IRS1: variants seen among roughly 807,000 people sequenced by gnomAD.
The protein encoded by IRS1 is insulin receptor substrate 1.
A neutral mutation model predicts 65.6 loss-of-function variants in IRS1; 34 were observed. The ratio of observed to expected loss-of-function variants is 0.52; its 90% CI spans 0.39 to 0.69. IRS1 has a LOEUF of 0.69. Ranked by LOEUF, IRS1 falls within the 30% of genes least tolerant of loss-of-function variation. The pLI is 0.00. For missense variants in IRS1, 1,641 were observed against 1,720.2 expected, an observed-to-expected ratio of 0.95 and a Z score of 0.81; for synonymous variants, 699 against 683.5, an observed-to-expected ratio of 1.02 and a Z score of -0.35.
At position 226,797,075 on chromosome 2, in the gene IRS1, A is replaced by T. The variant is rs1349931074; in HGVS notation, c.1664T>A (p.Met555Lys). 1 of 1,613,022 alleles carries T rather than the reference A, an allele frequency of 6.2e-7. No homozygotes were observed. The highest frequency in any genetic ancestry group is 1.1e-5 in the South Asian group (1 of 91,060). ...GCCACCTCCTGGTGGGTAGGCAGGC[A>T]TCATCTCTGTGTACTCCTCAATGGA... ...VASIEEYTEM[M>K]PAYPPGGGSG... Residue 555 changes from methionine to lysine, a missense_variant, in exon 1 of 2, where the codon ATG becomes AAG. Physicochemically the swap from Met to Lys is moderately conservative, Grantham distance 95 (BLOSUM62 -1). Transcript: ENST00000305123. This position sits in a 1 kb window ranked among gnomAD's most constrained non-coding sequence, Gnocchi z 8.1.
chr2:226,752,772 T>C (rs534738380), intron 1 of IRS1, among the ~76,000 whole-genome samples: 1 of 152,290 alleles, frequency 6.6e-6, no homozygotes, highest in South Asian at 2.1e-4. Flanking sequence ...GTATCCAGTA[T>C]ATAATCCTGC....
rs759315020 is a variant in IRS1, at chr2:226,797,017, G to T, written c.1722C>A (p.Ser574=). The T allele has an allele frequency of 1.2e-6, 2 of 1,604,290 alleles. No homozygotes were observed. The highest frequency in any genetic ancestry group is 1.7e-4 in the Middle Eastern group (1 of 6,046). ...SGGRLPGHRH[S]AFVPTRSYPE... is the part of the protein sequence containing the mutation. ...GGTAGGAGCGGGTGGGCACGAAGGC[G>T]GAGTGCCTGTGTCCCGGCAGTCGGC... Residue 574 remains serine, a synonymous_variant, in exon 1 of 2, where the codon TCC becomes TCA. Transcript: ENST00000305123. This position sits in a 1 kb window ranked among gnomAD's most constrained non-coding sequence, Gnocchi z 8.1.
chr2:226,798,449 G>C lies in IRS1; in HGVS notation c.290C>G (p.Ala97Gly). The C allele has an allele frequency of 6.2e-7, 1 of 1,614,094 alleles. No individual in the cohort carries two copies. Among genetic ancestry groups the C allele is most frequent in the Non-Finnish European group, 8.5e-7 (1 of 1,180,024 alleles). Residue 97 changes from alanine to glycine, a missense_variant, in exon 1 of 2, where the codon GCG (alanine) becomes GGG (glycine). By Grantham distance (60) the Ala-to-Gly change is moderately conservative (BLOSUM62 0). This residue lies in a region of IRS1 where 240 missense variants were observed against 229.6 expected (regional missense o/e 1.05). Transcript: ENST00000305123. This position sits in a 1 kb window ranked among gnomAD's most constrained non-coding sequence, Gnocchi z 9.4. The stretch of plus-strand genomic sequence containing the variant: ...GCTGTCTTGCTCGGCCTCGCTGTCC[G>C]CCGCGATGGCAAAGTGCTCGTCCCG... The part of the protein sequence containing the change: ...YTRDEHFAIA[A>G]DSEAEQDSWY...
At chr2:226,751,673 A>G (rs774810253) in intron 1 of IRS1, among the ~76,000 whole-genome samples, 2 of 152,036 alleles carry the variant, frequency 1.3e-5, no homozygotes, top group Non-Finnish European at 2.9e-5. Flanking sequence ...GGGAAGAGGG[A>G]TCGAAGCTGT....
chr2:226,796,766 T>C lies in IRS1; in HGVS notation c.1973A>G (p.Asp658Gly). 1 of 1,599,624 alleles carries C rather than the reference T, an allele frequency of 6.3e-7. No homozygotes were observed. Among genetic ancestry groups the C allele is most frequent in the Non-Finnish European group, 8.5e-7 (1 of 1,171,578 alleles). ...GGACATCATCATGTAGCCATTGGGGTCCACTCTCTGGGGATGGCGTCTGAT... is the reference window on the plus strand; with the variant it reads ...GGACATCATCATGTAGCCATTGGGGCCCACTCTCTGGGGATGGCGTCTGAT... ...NPIRRHPQRV[D>G]PNGYMMMSPS... The change falls in exon 1 of 2, where the codon GAC becomes GGC. Residue 658 changes from aspartate to glycine, a missense_variant. By Grantham distance (94) the Asp-to-Gly change is moderately conservative. This residue lies in a region of IRS1 where 1,324 missense variants were observed against 1,361.0 expected (regional missense o/e 0.97). Coordinates refer to ENST00000305123, the MANE Select transcript of IRS1 (RefSeq NM_005544.3).
intron 1 of IRS1, among the ~76,000 whole-genome samples, chr2:226,751,037 G>T (rs1364122787): frequency 6.6e-6 from 1 of 152,120 alleles, no homozygotes; most frequent in Non-Finnish European, 1.5e-5. Context: ...GGGCCAATAA[G>T]GAGGCTACAC....
intron 1 of IRS1, among the ~76,000 whole-genome samples, chr2:226,787,960 A>C (rs943526084): frequency 1.3e-5 from 2 of 152,158 alleles, no homozygotes; most frequent in Non-Finnish European, 2.9e-5. Flanking sequence ...ATCCTTCCTA[A>C]AAGTAAAAAT....
intron 1 of IRS1, among the ~76,000 whole-genome samples, chr2:226,754,348 C>T (rs967401837): frequency 6.6e-6 from 1 of 152,130 alleles, no homozygotes; most frequent in African/African-American, 2.4e-5. Flanking sequence ...ACTAACCCAA[C>T]CCACAAACAC....
intron 1 of IRS1, among the ~76,000 whole-genome samples, chr2:226,791,124 A>G (rs890541812): frequency 5.9e-5 from 9 of 152,154 alleles, no homozygotes; most frequent in Non-Finnish European, 1.0e-4. Context: ...GCTTTGCAGT[A>G]AAGTGTATGG....
Position 226,795,605 on chromosome 2 carries a change from G to A in IRS1, c.3134C>T (p.Thr1045Ile). 1 of 1,612,618 alleles carries A rather than the reference G, an allele frequency of 6.2e-7. No homozygotes were observed. The highest frequency in any genetic ancestry group is 8.5e-7 in the Non-Finnish European group (1 of 1,179,752). The change falls in exon 1 of 2, where the codon ACT becomes ATT. Residue 1045 changes from threonine to isoleucine, a missense_variant. By Grantham distance (89) the Thr-to-Ile change is moderately conservative (BLOSUM62 -1). Around this residue, in one of 3 missense-constraint regions of IRS1, gnomAD observed 1,324 missense variants for 1,361.0 expected, o/e 0.97. Coordinates refer to ENST00000305123, the MANE Select transcript of IRS1 (RefSeq NM_005544.3). ...SSSSAASASP[T>I]GPQGAAELAA... Reference sequence around the variant, plus strand: ...CAGCTCTGCTGCCCCTTGAGGCCCAGTCGGGGAAGCAGAGGCTGCTGAGGA... The same window carrying A: ...CAGCTCTGCTGCCCCTTGAGGCCCAATCGGGGAAGCAGAGGCTGCTGAGGA...
intron 1 of IRS1, among the ~76,000 whole-genome samples, chr2:226,739,979 C>T (rs1458611300): frequency 1.3e-5 from 2 of 152,216 alleles, no homozygotes; most frequent in African/African-American, 4.8e-5. Context: ...TATATATACA[C>T]CACTTCAATT....
chr2:226,759,770 G>A (rs1938877951), intron 1 of IRS1, among the ~76,000 whole-genome samples: 1 of 152,114 alleles, frequency 6.6e-6, no homozygotes, highest in Non-Finnish European at 1.5e-5. Context: ...AAGAGAATCA[G>A]AAGTCACAAT....
chr2:226,799,286 C>A lies in IRS1; in HGVS notation c.-548G>T. 8.4e-7 allele frequency: 1 copy of A among 1,188,616 alleles called. No homozygotes were observed. Among genetic ancestry groups the A allele is most frequent in the Non-Finnish European group, 1.1e-6 (1 of 933,274 alleles). The allele number at this position is 1,188,616 out of a possible 1,614,324, so 73.6% of individuals were successfully genotyped here. On this transcript the variant is annotated 5_prime_UTR_variant, in exon 1 of 2. Transcript: ENST00000305123. The surrounding 1 kb of genome is among the most constrained non-coding windows in gnomAD (Gnocchi z 6.1). ...CTCCCTCCTCCTTCGCCTCCTCCCA[C>A]CCCCCAACCGTCCCAGCCGCCACCA...
rs749967600 is a variant in IRS1, at chr2:226,797,367, C to T, written c.1372G>A (p.Gly458Ser). 6.2e-6 allele frequency: 10 copies of T among 1,612,970 alleles called. No individual in the cohort carries two copies. In the South Asian group the frequency reaches 7.7e-5, roughly 12 times the overall value. Reference sequence around the variant, plus strand: ...ATATAGTTGCTTAGCTCCTCCTCACCGCGGGCTGGTGGGGTGTGGCCCAGG... The same window carrying T: ...ATATAGTTGCTTAGCTCCTCCTCACTGCGGGCTGGTGGGGTGTGGCCCAGG... ...DSLGHTPPAR[G>S]EEELSNYICM... Residue 458 changes from glycine (G) to serine (S), a missense_variant, in exon 1 of 2, where the codon GGT (glycine) becomes AGT (serine). Gly to Ser is a moderately conservative substitution (Grantham distance 56). This residue lies in a region of IRS1 where 1,324 missense variants were observed against 1,361.0 expected (regional missense o/e 0.97). Coordinates refer to ENST00000305123, the MANE Select transcript of IRS1 (RefSeq NM_005544.3). The surrounding 1 kb of genome is among the most constrained non-coding windows in gnomAD (Gnocchi z 8.1).
chr2:226,745,112 T>C lies in IRS1; in HGVS notation c.*22-8862A>G, dbSNP rs922845330. Among the ~76,000 whole-genome samples, 4 of 152,348 alleles carry C rather than the reference T, an allele frequency of 2.6e-5. No homozygotes were observed. The East Asian group carries it at 7.7e-4, about 29-fold the overall frequency. On this transcript the variant is annotated intron_variant, in intron 1 of 1. Coordinates refer to ENST00000305123, the MANE Select transcript of IRS1 (RefSeq NM_005544.3). ...TATGGAAATGCAAGTCATAAAGATT[T>C]CTGGGCTATGATAGTAATTCTTCAA...
chr2:226,785,317 T>C (rs1222722738), intron 1 of IRS1, among the ~76,000 whole-genome samples: 1 of 152,194 alleles, frequency 6.6e-6, no homozygotes, highest in Non-Finnish European at 1.5e-5. Context: ...TAAGACACTT[T>C]TCTGGCCAGG....
At chr2:226,777,699 C>G (rs56992515) in intron 1 of IRS1, among the ~76,000 whole-genome samples, 1 of 152,086 alleles carries the variant, frequency 6.6e-6, no homozygotes, top group Non-Finnish European at 1.5e-5. Context: ...GTTTTAAAAA[C>G]GGGGGTTTCT....
intron 1 of IRS1, among the ~76,000 whole-genome samples, chr2:226,756,407 T>A (rs2106164728): frequency 6.6e-6 from 1 of 152,192 alleles, no homozygotes; most frequent in South Asian, 2.1e-4. Context: ...CCACTACAAG[T>A]CAAAGTCTTG....
At chr2:226,749,807 C>T (rs998675654) in intron 1 of IRS1, among the ~76,000 whole-genome samples, 7 of 152,160 alleles carry the variant, frequency 4.6e-5, no homozygotes, top group African/African-American at 1.7e-4. Flanking sequence ...AGTTTAACTG[C>T]CCTATTCTCA....
Sources: gnomAD v4.1 joint callset for allele counts (sites outside exome capture counted in the v4.1 genomes callset) on GRCh38, gnomAD v4.1.1 for gene constraint, gnomAD v4.1.1 regional missense constraint, Gnocchi (gnomAD v3.1) non-coding constraint, MANE v1.5 for transcripts, NCBI Gene and HGNC (gene_info 2026-07-23, HGNC 2026-07-21) for gene names.